Variants in CDK19 observed in about 807,000 individuals in gnomAD.
CDK19 encodes cyclin-dependent kinase 19.
A neutral mutation model predicts 68.3 loss-of-function variants in CDK19; 20 were observed. That is an observed-to-expected ratio of 0.29 (90% confidence interval 0.21 to 0.43). The LOEUF (loss-of-function observed/expected upper bound fraction) is 0.43. Among genes scored for constraint, CDK19 ranks in the 20% least tolerant of loss-of-function variants. The probability of loss-of-function intolerance (pLI) is 1.00; values close to 1 mark genes in which losing one functional copy is unlikely to be tolerated. For missense variants in CDK19, 339 were observed against 623.5 expected (o/e 0.54, Z 4.86); for synonymous variants, 221 against 222.8 (o/e 0.99, Z 0.07).
intron 4 of CDK19, chr6:110,646,051 C>T (rs1780549413): frequency 2.2e-6 from 2 of 909,108 alleles, no homozygotes; most frequent in South Asian, 2.8e-5. Context: ...GAAGCTATCC[C>T]TTTGTTGCCA....
intron 4 of CDK19, among the ~76,000 whole-genome samples, chr6:110,664,460 GAGA>G (rs1432776271): frequency 3.3e-5 from 5 of 152,278 alleles, no homozygotes; most frequent in African/African-American, 1.2e-4. Flanking sequence ...AAGGCTCCTT[GAGA>G]AGAAGGTGTT....
intron 2 of CDK19, among the ~76,000 whole-genome samples, chr6:110,744,407 C>G (rs1583005640): frequency 6.6e-6 from 1 of 152,042 alleles, no homozygotes; most frequent in African/African-American, 2.4e-5. Flanking sequence ...TGGTGGCTCA[C>G]GCCTGCAATC....
rs570005604 is a variant in CDK19 at position 110,671,017 on chromosome 6, C to T, written c.205-476G>A. Among the ~76,000 whole-genome samples, 4 of 152,088 alleles carry T rather than the reference C, an allele frequency of 2.6e-5. No homozygotes were observed. The East Asian group carries it at 7.7e-4, about 29-fold the overall frequency. ...GGTGCTCAAGAAACAGGCGACAAAA[C>T]AAGGAAAGATATTTAACAATCCCTG... On this transcript the variant is annotated intron_variant, in intron 2 of 12. Coordinates refer to ENST00000368911, the MANE Select transcript of CDK19 (RefSeq NM_015076.5).
intron 4 of CDK19, among the ~76,000 whole-genome samples, chr6:110,649,180 G>A (rs117450536): frequency 0.017 from 2,546 of 151,970 alleles, 46 homozygotes; most frequent in South Asian, 0.031. Flanking sequence ...TGTTCCTATG[G>A]AACAAATTGA....
intron 2 of CDK19, among the ~76,000 whole-genome samples, chr6:110,671,925 G>A (rs999593500): frequency 2.0e-5 from 3 of 151,916 alleles, no homozygotes; most frequent in Admixed American, 6.6e-5. Context: ...TTACAGGTAC[G>A]CACCACCATG....
chr6:110,686,967 G>A (rs1290433737), intron 2 of CDK19, among the ~76,000 whole-genome samples: 1 of 152,216 alleles, frequency 6.6e-6, no homozygotes, highest in Non-Finnish European at 1.5e-5. Context: ...GGGAGGCCAA[G>A]GCAGGAGGAT....
At chr6:110,806,911 G>A (rs958447061) in intron 1 of CDK19, among the ~76,000 whole-genome samples, 49 of 152,188 alleles carry the variant, frequency 3.2e-4, no homozygotes, top group African/African-American at 1.1e-3. Flanking sequence ...CTGGGAGGTG[G>A]TGGTTGCAGT....
Position 110,780,773 on chromosome 6 carries a change from G to A in CDK19, c.128+34236C>T, listed in dbSNP as rs1780753276. ...AGAAGAATGTTCCAAGGTACTATGA[G>A]TGCAAAGGAGGAGTATCATGGACAT... On this transcript the variant is annotated intron_variant, in intron 1 of 12. Coordinates refer to ENST00000368911, the MANE Select transcript of CDK19 (RefSeq NM_015076.5). Among the ~76,000 whole-genome samples, 3 of 152,154 alleles carry A rather than the reference G, an allele frequency of 2.0e-5. No individual in the cohort carries two copies. The South Asian group carries it at 6.2e-4, about 32-fold the overall frequency.
At chr6:110,717,576 G>A (rs541743441) in intron 2 of CDK19, among the ~76,000 whole-genome samples, 1 of 152,174 alleles carries the variant, frequency 6.6e-6, no homozygotes, top group East Asian at 1.9e-4. Flanking sequence ...ATTTTAAACG[G>A]TACATGTGAA....
chr6:110,636,402 A>G (rs1685807475), intron 5 of CDK19, among the ~76,000 whole-genome samples: 1 of 152,230 alleles, frequency 6.6e-6, no homozygotes, highest in African/African-American at 2.4e-5. Flanking sequence ...CCTTGAAACA[A>G]TAGGTTAGTA....
At chr6:110,702,450 CAA>C (rs11297898) in intron 2 of CDK19, among the ~76,000 whole-genome samples, 56 of 149,780 alleles carry the variant, frequency 3.7e-4, no homozygotes, top group Non-Finnish European at 6.5e-4. Context: ...CCAGCTCTAC[CAA>C]AAAAAAAAAT....
At position 110,622,108 on chromosome 6, in the gene CDK19, G is replaced by C; in HGVS notation, c.1090C>G (p.Pro364Ala). 1 of 1,611,138 alleles carries C rather than the reference G, an allele frequency of 6.2e-7. No individual in the cohort carries two copies. The highest frequency in any genetic ancestry group is 8.5e-7 in the Non-Finnish European group (1 of 1,178,104). The change falls in exon 11 of 13, where the codon CCT becomes GCT. Residue 364 changes from proline to alanine, a missense_variant. By Grantham distance (27) the Pro-to-Ala change is conservative (BLOSUM62 -1). Coordinates refer to ENST00000368911, the MANE Select transcript of CDK19 (RefSeq NM_015076.5). ...PKREFLNEDD[P>A]EEKGDKNQQQ... is the part of the protein sequence containing the mutation. ...TATACCTTGTCACCTTTTTCTTCAG[G>C]ATCATCTTCATTAAGGAATTCTCGT... is the stretch of plus-strand genomic sequence containing the variant.
chr6:110,750,510 G>A (rs899536121), intron 1 of CDK19, among the ~76,000 whole-genome samples: 4 of 152,200 alleles, frequency 2.6e-5, no homozygotes, highest in Admixed American at 2.0e-4. Context: ...TGAGTCTGAG[G>A]TTTTGAGCTT....
At chr6:110,744,011 G>GTT (rs5879078) in intron 2 of CDK19, among the ~76,000 whole-genome samples, 4,967 of 113,288 alleles carry the variant, frequency 0.044, 639 homozygotes, top group East Asian at 0.3. Flanking sequence ...ACCTCCCCAC[G>GTT]TTTTTTTTTT....
intron 2 of CDK19, among the ~76,000 whole-genome samples, chr6:110,714,300 T>G (rs1342844208): frequency 6.6e-6 from 1 of 152,252 alleles, no homozygotes; most frequent in Non-Finnish European, 1.5e-5. Context: ...ACATTTTGTT[T>G]ATCCATTCAT....
chr6:110,653,364 A>T (rs777171250), intron 4 of CDK19, among the ~76,000 whole-genome samples: 60 of 151,926 alleles, frequency 3.9e-4, no homozygotes, highest in Non-Finnish European at 3.5e-4. Context: ...GCTCTTTTTT[A>T]AAAAAAAGAA....
chr6:110,686,249 T>C (rs1772469758), intron 2 of CDK19, among the ~76,000 whole-genome samples: 1 of 152,146 alleles, frequency 6.6e-6, no homozygotes, highest in Admixed American at 6.5e-5. Flanking sequence ...ACAGAGTGCA[T>C]ATGTAGGAAA....
At position 110,613,535 on chromosome 6, in the gene CDK19, TTACTCACGCAGACCCAGA is replaced by T. The variant is rs1778133364; in HGVS notation, c.*982_*999del. Reference sequence around the variant, plus strand: ...GAGTAACCTTGATTATGCAAGAAAGTTACTCACGCAGACCCAGATGTGAAGAAACCAATGGTTCTTTAG... The same window carrying T: ...GAGTAACCTTGATTATGCAAGAAAGTTGTGAAGAAACCAATGGTTCTTTAG... On this transcript the variant is annotated 3_prime_UTR_variant, in exon 13 of 13. Coordinates refer to ENST00000368911, the MANE Select transcript of CDK19 (RefSeq NM_015076.5). 1 of 152,594 alleles carries T rather than the reference TTACTCACGCAGACCCAGA, an allele frequency of 6.6e-6. No individual in the cohort carries two copies. Among genetic ancestry groups the T allele is most frequent in the Admixed American group, 6.5e-5 (1 of 15,276 alleles). 9.5% of individuals were successfully genotyped at this position (152,594 alleles called of 1,614,324 possible). A position where few individuals can be genotyped will look rare whatever the true frequency, so the allele number is the denominator to read the frequency against.
chr6:110,666,591 T>C (rs915457849), intron 4 of CDK19, among the ~76,000 whole-genome samples: 6 of 152,052 alleles, frequency 3.9e-5, no homozygotes, highest in African/African-American at 1.4e-4. Context: ...TCCCAACGGA[T>C]ACTAACTAGA....
Sources: allele counts gnomAD v4.1 joint callset (sites outside exome capture counted in the v4.1 genomes callset), GRCh38; gene constraint gnomAD v4.1.1; transcripts MANE v1.5; gene names NCBI Gene and HGNC (gene_info 2026-07-23, HGNC 2026-07-21).